The following DNAJC25 variants were observed in gnomAD, a reference collection of about 807,000 sequenced individuals.
DNAJC25 encodes the protein DnaJ heat shock protein family (Hsp40) member C25, also known as dnaJ homolog subfamily C member 25.
Under a neutral mutation model 42.1 loss-of-function variants are expected in DNAJC25, and 26 were observed. That is an observed-to-expected ratio of 0.62 (90% CI 0.45 to 0.86). The LOEUF is 0.86. Ranked by LOEUF, DNAJC25 falls within the 40% of genes least tolerant of loss-of-function variation. DNAJC25 has a pLI of 0.00. For missense variants in DNAJC25, 404 were observed against 459.4 expected (o/e 0.88, Z 1.10); for synonymous variants, 189 against 179.9 (o/e 1.05, Z -0.40).
rs1431663363 is a variant in DNAJC25 at position 111,631,657 on chromosome 9, C to A, written c.250C>A (p.Gln84Lys). The change falls in exon 1 of 4, where the codon CAG becomes AAG. Residue 84 changes from glutamine to lysine, a missense_variant. Transcript: ENST00000313525. ...RRYHPDRYRP[Q>K]PGDEGPGRTP... ...CTACCACCCTGACCGCTACCGGCCCCAGCCCGGAGACGAGGGCCCCGGGCG... is the reference window on the plus strand; with the variant it reads ...CTACCACCCTGACCGCTACCGGCCCAAGCCCGGAGACGAGGGCCCCGGGCG... The A allele has an allele frequency of 2.6e-6, 4 of 1,519,428 alleles. No homozygotes were observed. The South Asian group carries it at 4.8e-5, about 18-fold the overall frequency. The allele number at this position is 1,519,428 out of a possible 1,614,324, so 94.1% of individuals were successfully genotyped here.
intron 2 of DNAJC25, 71 bp from the exon 3 acceptor site, chr9:111,649,380 ACT>A (rs1830614418): frequency 1.4e-5 from 20 of 1,453,722 alleles, no homozygotes; most frequent in Middle Eastern, 2.2e-4. Flanking sequence ...ATTCACCGAG[ACT>A]CTATCATTCC....
Position 111,653,501 on chromosome 9 carries a change from A to C in DNAJC25, c.*279A>C. The C allele has an allele frequency of 4.4e-6, 1 of 229,042 alleles. No individual in the cohort carries two copies. The highest frequency in any genetic ancestry group is 8.8e-5 in the East Asian group (1 of 11,300). 14.2% of individuals were successfully genotyped at this position (229,042 alleles called of 1,614,324 possible). On this transcript the variant is annotated 3_prime_UTR_variant, in exon 4 of 4. Coordinates refer to ENST00000313525, the MANE Select transcript of DNAJC25 (RefSeq NM_001015882.3). Reference sequence around the variant, plus strand: ...TTTAAAATTTTTATATGTTTAGTTAAAAGATTTGACATGAAAATTTATTAG... The same window carrying C: ...TTTAAAATTTTTATATGTTTAGTTACAAGATTTGACATGAAAATTTATTAG...
At chr9:111,638,620 C>T (rs975211496) in intron 1 of DNAJC25, among the ~76,000 whole-genome samples, 1 of 151,948 alleles carries the variant, frequency 6.6e-6, no homozygotes, top group Non-Finnish European at 1.5e-5. Flanking sequence ...ACATTGTCTA[C>T]GTAGTAACTC....
chr9:111,651,263 C>CAA (rs10555875), intron 3 of DNAJC25, among the ~76,000 whole-genome samples: 11 of 104,932 alleles, frequency 1.0e-4, no homozygotes, highest in South Asian at 3.3e-4. Context: ...GACTCTATCT[C>CAA]AAAAAAAAAA....
Position 111,631,622 on chromosome 9 carries a change from T to A in DNAJC25, c.215T>A (p.Leu72Gln). The change falls in exon 1 of 4, where the codon CTG becomes CAG. Residue 72 changes from leucine to glutamine, a missense_variant. Physicochemically the swap from Leu to Gln is moderately radical, Grantham distance 113. Transcript: ENST00000313525. ...GAGATCGCGCGGGCCTACCGCCAGC[T>A]GGCCCGGCGCTACCACCCTGACCGC... is the stretch of plus-strand genomic sequence containing the variant. ...KAEIARAYRQ[L>Q]ARRYHPDRYR... is the part of the protein sequence containing the mutation. 1 of 1,497,990 alleles carries A rather than the reference T, an allele frequency of 6.7e-7. No individual in the cohort carries two copies. The highest frequency in any genetic ancestry group is 8.8e-7 in the Non-Finnish European group (1 of 1,131,288). The allele number at this position is 1,497,990 out of a possible 1,614,324, so 92.8% of individuals were successfully genotyped here. A position where few individuals can be genotyped will look rare whatever the true frequency, so the allele number is the denominator to read the frequency against.
At position 111,644,896 on chromosome 9, in the gene DNAJC25, C is replaced by A. The variant is rs79180193; in HGVS notation, c.337-2211C>A. On this transcript the variant is annotated intron_variant, in intron 1 of 3. Coordinates refer to ENST00000313525, the MANE Select transcript of DNAJC25 (RefSeq NM_001015882.3). ...AAGAGACACAGGCTTTAGTCTTCAGCGCTGTCTGTGTGATCCTTATATAGG... is the reference window on the plus strand; with the variant it reads ...AAGAGACACAGGCTTTAGTCTTCAGAGCTGTCTGTGTGATCCTTATATAGG... Among the ~76,000 whole-genome samples, 893 of 152,282 alleles carry A rather than the reference C, an allele frequency of 5.9e-3. 10 individuals carry two copies. The highest frequency in any genetic ancestry group is 0.021 in the African/African-American group (864 of 41,548).
chr9:111,636,032 T>A (rs1830357561), intron 1 of DNAJC25, among the ~76,000 whole-genome samples: 1 of 152,212 alleles, frequency 6.6e-6, no homozygotes, highest in African/African-American at 2.4e-5. Flanking sequence ...GTTTCTGACT[T>A]AAAGTTTTTA....
chr9:111,641,364 C>T (rs1441376382), intron 1 of DNAJC25, among the ~76,000 whole-genome samples: 1 of 129,846 alleles, frequency 7.7e-6, no homozygotes. Flanking sequence ...GGGGGGTCAG[C>T]CCCCCGCCCG....
rs1227090220 is a variant in DNAJC25 at position 111,648,273 on chromosome 9, T to G, written c.489+1014T>G. Among the ~76,000 whole-genome samples the G allele has an allele frequency of 2.6e-5, 4 of 152,048 alleles. No homozygotes were observed. In the East Asian group the frequency reaches 5.8e-4, roughly 22 times the overall value. On this transcript the variant is annotated intron_variant, in intron 2 of 3. Coordinates refer to ENST00000313525, the MANE Select transcript of DNAJC25 (RefSeq NM_001015882.3). ...TCCCAGAAACGATTCAGTTTTTTTT[T>G]TTTTTAGAGATGGAGTCTCACTCTG...
At chr9:111,640,759 T>C (rs1589343053) in intron 1 of DNAJC25, among the ~76,000 whole-genome samples, 2 of 90,706 alleles carry the variant, frequency 2.2e-5, no homozygotes, top group Non-Finnish European at 2.0e-5. Context: ...GTGAGGAGCC[T>C]CTCCGCCCAG....
chr9:111,653,772 A>G lies in DNAJC25; in HGVS notation c.*550A>G, dbSNP rs1589350674. On this transcript the variant is annotated 3_prime_UTR_variant, in exon 4 of 4. Coordinates refer to ENST00000313525, the MANE Select transcript of DNAJC25 (RefSeq NM_001015882.3). ...ATACGTTCAAAATAACCTCTCTAGG[A>G]AAGTCTTCTGCTAGAATTTCTCCCC... 1 of 152,740 alleles carries G rather than the reference A, an allele frequency of 6.5e-6. No homozygotes were observed. Among genetic ancestry groups the G allele is most frequent in the South Asian group, 2.1e-4 (1 of 4,826 alleles). 9.5% of individuals were successfully genotyped at this position (152,740 alleles called of 1,614,324 possible). A position where few individuals can be genotyped will look rare whatever the true frequency, so the allele number is the denominator to read the frequency against.
rs1261637152 is a variant in DNAJC25, at chr9:111,649,683, A to G, written c.720A>G (p.Gln240=). The change falls in exon 3 of 4, where the codon CAA becomes CAG. Residue 240 remains glutamine, a synonymous_variant. Transcript: ENST00000313525. The stretch of plus-strand genomic sequence containing the variant: ...TAAAGGGGGGCTATCAGAAACCCCA[A>G]ATCTGTGATCTTCTCCTGTTTCAAA... ...IDIKGGYQKP[Q]ICDLLLFQII... The G allele has an allele frequency of 1.2e-6, 2 of 1,614,000 alleles. No homozygotes were observed. The highest frequency in any genetic ancestry group is 1.7e-6 in the Non-Finnish European group (2 of 1,180,002).
chr9:111,634,443 A>G (rs1830334444), intron 1 of DNAJC25, among the ~76,000 whole-genome samples: 1 of 152,212 alleles, frequency 6.6e-6, no homozygotes, highest in African/African-American at 2.4e-5. Context: ...CGTTGAGGCA[A>G]TGGAGATGTA....
chr9:111,636,335 A>T (rs62569895), intron 1 of DNAJC25, among the ~76,000 whole-genome samples: 7,530 of 152,276 alleles, frequency 0.049, 309 homozygotes, highest in South Asian at 0.15. Flanking sequence ...TTTCTCCACC[A>T]AGGATCAGTT....
At chr9:111,641,690 C>T (rs1830472146) in intron 1 of DNAJC25, among the ~76,000 whole-genome samples, 1 of 141,644 alleles carries the variant, frequency 7.1e-6, no homozygotes, top group Non-Finnish European at 1.6e-5. Context: ...GGGGGTCAGC[C>T]CCCCTGCCCG....
At chr9:111,635,035 G>C (rs1358354532) in intron 1 of DNAJC25, among the ~76,000 whole-genome samples, 1 of 152,172 alleles carries the variant, frequency 6.6e-6, no homozygotes, top group African/African-American at 2.4e-5. Flanking sequence ...AGACCATGCA[G>C]TTGTATTTAG....
chr9:111,649,880 A>G lies in DNAJC25; in HGVS notation c.917A>G (p.Glu306Gly). The change falls in exon 3 of 4, where the codon GAA (glutamate) becomes GGA (glycine). Residue 306 changes from glutamate to glycine, a missense_variant. By Grantham distance (98) the Glu-to-Gly change is moderately conservative (BLOSUM62 -2). Transcript: ENST00000313525. ...QFDSLEDHQK[E>G]TFLKRELWIK... ...GATAGTCTAGAAGATCATCAGAAAG[A>G]AACTTTTCTTAAACGAGAGCTCTGG... is the stretch of plus-strand genomic sequence containing the variant. 3 of 1,598,912 alleles carry G rather than the reference A, an allele frequency of 1.9e-6. No individual in the cohort carries two copies. The highest frequency in any genetic ancestry group is 2.6e-6 in the Non-Finnish European group (3 of 1,176,026).
intron 3 of DNAJC25, among the ~76,000 whole-genome samples, chr9:111,652,415 T>G (rs1830675104): frequency 6.9e-6 from 1 of 145,422 alleles, no homozygotes; most frequent in Non-Finnish European, 1.5e-5. Flanking sequence ...CTAGGGAGGC[T>G]GAGGCAGGAG....
At chr9:111,652,440 A>G (rs1247371158) in intron 3 of DNAJC25, among the ~76,000 whole-genome samples, 5 of 147,050 alleles carry the variant, frequency 3.4e-5, no homozygotes, top group Non-Finnish European at 7.5e-5. Flanking sequence ...GCTTGAATCC[A>G]GGAGGCAGAG....
Sources: gnomAD v4.1 joint callset for allele counts (sites outside exome capture counted in the v4.1 genomes callset) on GRCh38, gnomAD v4.1.1 for gene constraint, MANE v1.5 for transcripts, NCBI Gene and HGNC (gene_info 2026-07-23, HGNC 2026-07-21) for gene names.